Variants in GYG1 observed in about 807,000 individuals in gnomAD.
The protein encoded by GYG1 is glycogenin-1.
GYG1 carries 44 observed loss-of-function variants against 41.9 expected under a neutral mutation model. The ratio of observed to expected loss-of-function variants is 1.05; its 90% CI spans 0.83 to 1.35. The LOEUF is 1.35. Ranked by LOEUF, GYG1 falls within the 40% of genes most tolerant of loss-of-function variation. The pLI, the probability that GYG1 is intolerant of heterozygous loss-of-function variation, is 0.00. For missense variants in GYG1, 429 were observed against 418.9 expected (o/e 1.02, Z -0.21); for synonymous variants, 141 against 158.1 (o/e 0.89, Z 0.81).
chr3:149,019,068 TAAAAA>T (rs67695680), intron 5 of GYG1, among the ~76,000 whole-genome samples: 1 of 119,092 alleles, frequency 8.4e-6, no homozygotes, highest in African/African-American at 3.2e-5. Flanking sequence ...GACACTGTCT[TAAAAA>T]AAAAAAAAAA....
rs188646594 is a variant in GYG1 at position 149,020,909 on chromosome 3, T to C, written c.609-3144T>C. 1.1e-3 allele frequency among the ~76,000 whole-genome samples: 173 copies of C among 152,318 alleles called. 1 individual carries two copies. The highest frequency in any genetic ancestry group is 2.1e-3 in the Non-Finnish European group (142 of 68,008). ...AGGTGGAAGGAATATCTCATTCTTATGTACTCTGTTTCGGTTTTAGGCTTA... is the reference window on the plus strand; with the variant it reads ...AGGTGGAAGGAATATCTCATTCTTACGTACTCTGTTTCGGTTTTAGGCTTA... On this transcript the variant is annotated intron_variant, in intron 5 of 7. Transcript: ENST00000345003.
chr3:149,015,003 T>TC (rs1713937938), intron 5 of GYG1, among the ~76,000 whole-genome samples: 2 of 152,142 alleles, frequency 1.3e-5, no homozygotes, highest in African/African-American at 4.8e-5. Context: ...CTTTAAAAAT[T>TC]AGGGAATTTC....
intron 4 of GYG1, among the ~76,000 whole-genome samples, chr3:149,002,858 TA>T (rs1280728773): frequency 6.6e-6 from 1 of 152,022 alleles, no homozygotes; most frequent in African/African-American, 2.4e-5. Flanking sequence ...CCATCTCTAC[TA>T]AAAATGCAAA....
rs1343538351 is a variant in GYG1, at chr3:149,028,477, TGGTACAAA to T, written c.*1546_*1553del. On this transcript the variant is annotated 3_prime_UTR_variant, in exon 8 of 8. Coordinates refer to ENST00000345003, the MANE Select transcript of GYG1 (RefSeq NM_004130.4). ...AAGTGCCTCCATGTGTCAGATGCTG[TGGTACAAA>T]GAAGGACTTCTCAAAATTTTAGCTA... Among the ~76,000 whole-genome samples the T allele has an allele frequency of 6.6e-6, 1 of 152,188 alleles. No homozygotes were observed. Among genetic ancestry groups the T allele is most frequent in the African/African-American group, 2.4e-5 (1 of 41,456 alleles).
In GYG1 at chr3:149,029,722, C is replaced by T. The variant is rs16861314; in HGVS notation, c.*2789C>T. On this transcript the variant is annotated 3_prime_UTR_variant, in exon 8 of 8. Coordinates refer to ENST00000345003, the MANE Select transcript of GYG1 (RefSeq NM_004130.4). Reference sequence around the variant, plus strand: ...TTCCCCAAAACAAAGCACACACTGCCGAAGATCATTAGTACTCACTGGTAA... The same window carrying T: ...TTCCCCAAAACAAAGCACACACTGCTGAAGATCATTAGTACTCACTGGTAA... 0.027 allele frequency among the ~76,000 whole-genome samples: 4,039 copies of T among 152,134 alleles called. 196 individuals are homozygous for T. Among genetic ancestry groups the T allele is most frequent in the African/African-American group, 0.093 (3,851 of 41,474 alleles).
In GYG1 at chr3:149,030,386, CAAAG is replaced by C. The variant is rs568109524; in HGVS notation, c.*3455_*3458del. Reference sequence around the variant, plus strand: ...CAACATCTAACAGAACTGTACAAAACAAAGAGACATTTTTTAAACAACTTGCCAA... The same window carrying C: ...CAACATCTAACAGAACTGTACAAAACAGACATTTTTTAAACAACTTGCCAA... On this transcript the variant is annotated 3_prime_UTR_variant, in exon 8 of 8. Coordinates refer to ENST00000345003, the MANE Select transcript of GYG1 (RefSeq NM_004130.4). 154 of 151,984 alleles carry C rather than the reference CAAAG, an allele frequency of 1.0e-3. No individual in the cohort carries two copies. Among genetic ancestry groups the C allele is most frequent in the Non-Finnish European group, 1.7e-3 (115 of 67,948 alleles). The allele number at this position is 151,984 out of a possible 1,614,324, so 9.4% of individuals were successfully genotyped here.
intron 5 of GYG1, among the ~76,000 whole-genome samples, chr3:149,011,134 CAACT>C (rs987895306): frequency 2.6e-5 from 4 of 152,264 alleles, no homozygotes; most frequent in African/African-American, 9.6e-5. Flanking sequence ...TTAAACACAC[CAACT>C]GTGTTCTGAG....
intron 5 of GYG1, among the ~76,000 whole-genome samples, chr3:149,017,823 C>T (rs1163562428): frequency 5.3e-5 from 8 of 150,084 alleles, no homozygotes; most frequent in Admixed American, 4.7e-4. Flanking sequence ...GTGTTGCCCA[C>T]GCTGGTCTCG....
chr3:149,024,044 A>C lies in GYG1; in HGVS notation c.609-9A>C. ...CCACTAACTGTTTCAACTTGCGTTC[A>C]CTTGGCAGGTTTGGTGCAAGTGCCA... On this transcript the variant is annotated splice_polypyrimidine_tract_variant and intron_variant, in intron 5 of 7. Coordinates refer to ENST00000345003, the MANE Select transcript of GYG1 (RefSeq NM_004130.4). The C allele has an allele frequency of 1.2e-6, 2 of 1,606,640 alleles. No individual in the cohort carries two copies. The highest frequency in any genetic ancestry group is 4.5e-5 in the East Asian group (2 of 44,864).
chr3:149,004,867 A>G (rs953260147), intron 4 of GYG1, among the ~76,000 whole-genome samples: 2 of 152,118 alleles, frequency 1.3e-5, no homozygotes, highest in African/African-American at 4.8e-5. Flanking sequence ...TGATGGGCTG[A>G]TGATGTTTGT....
chr3:149,007,302 T>C (rs1713458611), intron 4 of GYG1, among the ~76,000 whole-genome samples: 1 of 152,202 alleles, frequency 6.6e-6, no homozygotes, highest in Non-Finnish European at 1.5e-5. Context: ...TGTAGGAATT[T>C]TGGGGTATCT....
chr3:149,029,838 G>GTA lies in GYG1; in HGVS notation c.*2912_*2913dup, dbSNP rs1559847419. Among the ~76,000 whole-genome samples the GTA allele has an allele frequency of 6.6e-6, 1 of 152,188 alleles. No homozygotes were observed. The highest frequency in any genetic ancestry group is 1.5e-5 in the Non-Finnish European group (1 of 68,030). ...ATGATTGATTAAGAGTGCTATCTGT[G>GTA]TATATATAGGTATTATCACAACTCC... On this transcript the variant is annotated 3_prime_UTR_variant, in exon 8 of 8. Coordinates refer to ENST00000345003, the MANE Select transcript of GYG1 (RefSeq NM_004130.4).
At chr3:149,000,271 A>G (rs1457309804) in intron 4 of GYG1, among the ~76,000 whole-genome samples, 1 of 152,218 alleles carries the variant, frequency 6.6e-6, no homozygotes, top group Non-Finnish European at 1.5e-5. Flanking sequence ...CTAATTTTCC[A>G]TAATGAAGAG....
Position 148,996,742 on chromosome 3 carries a change from G to C in GYG1, c.319G>C (p.Val107Leu), listed in dbSNP as rs758175737. The C allele has an allele frequency of 1.9e-6, 3 of 1,613,410 alleles. No individual in the cohort carries two copies. The highest frequency in any genetic ancestry group is 2.5e-6 in the Non-Finnish European group (3 of 1,179,358). ...KCVFMDADTLVLANIDDLFDR... is the reference protein window; with the variant it reads ...KCVFMDADTLLLANIDDLFDR... Reference sequence around the variant, plus strand: ...AATGCTCTTTCTCCCCTTTGATCAGGTCCTAGCAAATATTGATGATCTTTT... The same window carrying C: ...AATGCTCTTTCTCCCCTTTGATCAGCTCCTAGCAAATATTGATGATCTTTT... The change falls in exon 4 of 8, where the codon GTC becomes CTC. Residue 107 changes from valine (V) to leucine (L), a missense_variant and splice_region_variant. By Grantham distance (32) the Val-to-Leu change is conservative. Transcript: ENST00000345003.
At chr3:149,022,786 A>T (rs1362462824) in intron 5 of GYG1, among the ~76,000 whole-genome samples, 1 of 151,672 alleles carries the variant, frequency 6.6e-6, no homozygotes, top group Non-Finnish European at 1.5e-5. Context: ...AAGCCACCGT[A>T]CCCGGCCTGT....
At chr3:149,019,086 A>G (rs554289827) in intron 5 of GYG1, among the ~76,000 whole-genome samples, 2,052 of 151,494 alleles carry the variant, frequency 0.014, 39 homozygotes, top group African/African-American at 0.046. Flanking sequence ...AAAAAAAAAA[A>G]AGAGAAAGTA....
rs1713989366 is a variant in GYG1, at chr3:149,015,806, T to C, written c.608+6404T>C. On this transcript the variant is annotated intron_variant, in intron 5 of 7. Coordinates refer to ENST00000345003, the MANE Select transcript of GYG1 (RefSeq NM_004130.4). The stretch of plus-strand genomic sequence containing the variant: ...GTTCGAGAGAGGGCGGTGGTGATTG[T>C]TGTGTAAAGATAGATGTCACCACAG... 1.3e-5 allele frequency among the ~76,000 whole-genome samples: 2 copies of C among 152,068 alleles called. 1 individual carries two copies. Among genetic ancestry groups the C allele is most frequent in the South Asian group, 4.2e-4 (2 of 4,798 alleles).
In GYG1 at chr3:149,009,330, T is replaced by A; in HGVS notation, c.536T>A (p.Ile179Asn). The A allele has an allele frequency of 1.2e-6, 2 of 1,613,004 alleles. No homozygotes were observed. Among genetic ancestry groups the A allele is most frequent in the East Asian group, 2.2e-5 (1 of 44,874 alleles). The stretch of plus-strand genomic sequence containing the variant: ...TTTAGCAGCTGGGCAACAACAGATA[T>A]CAGAAAACACCTGCCGTTTATTTAT... ...TFFSSWATTD[I>N]RKHLPFIYNL... is the part of the protein sequence containing the mutation. The change falls in exon 5 of 8, where the codon ATC (isoleucine) becomes AAC (asparagine). Residue 179 changes from isoleucine to asparagine, a missense_variant. Coordinates refer to ENST00000345003, the MANE Select transcript of GYG1 (RefSeq NM_004130.4).
chr3:148,993,532 G>C (rs1172685415), intron 1 of GYG1, among the ~76,000 whole-genome samples: 1 of 152,150 alleles, frequency 6.6e-6, no homozygotes, highest in Admixed American at 6.5e-5. Flanking sequence ...GGGAGCTTTT[G>C]CTCCACGTTG....
Sources: allele counts gnomAD v4.1 joint callset (sites outside exome capture counted in the v4.1 genomes callset), GRCh38; gene constraint gnomAD v4.1.1; transcripts MANE v1.5; gene names NCBI Gene and HGNC (gene_info 2026-07-23, HGNC 2026-07-21).